Variants in SIK3 observed in about 807,000 individuals in gnomAD.
The protein encoded by SIK3 is SIK family kinase 3.
In SIK3, 28 loss-of-function variants were observed where a neutral mutation model predicts 144.2. That is an observed-to-expected ratio of 0.19 (90% CI 0.14 to 0.27). The LOEUF (loss-of-function observed/expected upper bound fraction) is 0.27, where lower values mean the gene tolerates loss of function less well. Ranked by LOEUF, SIK3 falls within the 10% of genes least tolerant of loss-of-function variation. SIK3 has a pLI of 1.00. For synonymous variants in SIK3, 686 were observed against 676.3 expected (o/e 1.01, Z -0.22); for missense variants, 1,319 against 1,776.0 (o/e 0.74, Z 4.62).
At chr11:117,052,714 C>T (rs1236434635) in intron 1 of SIK3, among the ~76,000 whole-genome samples, 2 of 152,194 alleles carry the variant, frequency 1.3e-5, no homozygotes, top group Admixed American at 1.3e-4. Context: ...GGATTAACCT[C>T]CTTCCAATGA....
At chr11:116,939,979 G>A (rs1419235653) in intron 3 of SIK3, among the ~76,000 whole-genome samples, 1 of 152,146 alleles carries the variant, frequency 6.6e-6, no homozygotes, top group Non-Finnish European at 1.5e-5. Flanking sequence ...TGAAACATCT[G>A]CAGAAAGCTA....
At chr11:117,070,443 C>CTTTTTT (rs34756068) in intron 1 of SIK3, among the ~76,000 whole-genome samples, 1 of 146,684 alleles carries the variant, frequency 6.8e-6, no homozygotes, top group Non-Finnish European at 1.5e-5. Flanking sequence ...TGAACAATAC[C>CTTTTTT]TTTTTTTTTT....
chr11:117,032,836 C>T (rs1468760025), intron 1 of SIK3, among the ~76,000 whole-genome samples: 6 of 152,000 alleles, frequency 3.9e-5, no homozygotes, highest in African/African-American at 1.4e-4. Flanking sequence ...ATCCAAAATG[C>T]TTTTTTCAAA....
intron 3 of SIK3, among the ~76,000 whole-genome samples, chr11:116,930,401 G>A (rs749776308): frequency 7.2e-5 from 11 of 152,138 alleles, no homozygotes; most frequent in Non-Finnish European, 1.5e-4. Context: ...CTTTATATTC[G>A]TATATGCTCT....
intron 1 of SIK3, among the ~76,000 whole-genome samples, chr11:117,023,601 CAAACAAACA>C (rs1173031055): frequency 8.2e-5 from 3 of 36,404 alleles, no homozygotes; most frequent in Non-Finnish European, 1.4e-4. Flanking sequence ...AACAAACAAA[CAAACAAACA>C]AAAAAAAAAA....
At chr11:117,082,825 G>A (rs917100546) in intron 1 of SIK3, among the ~76,000 whole-genome samples, 1 of 152,238 alleles carries the variant, frequency 6.6e-6, no homozygotes, top group South Asian at 2.1e-4. Context: ...GAAGCCCCCT[G>A]AGGTTAAGTA....
At position 117,021,928 on chromosome 11, in the gene SIK3, C is replaced by CAAAAA. The variant is rs71037444; in HGVS notation, c.274-64869_274-64865dup. 4.9e-3 allele frequency among the ~76,000 whole-genome samples: 288 copies of CAAAAA among 58,936 alleles called. 28 individuals carry two copies. The highest frequency in any genetic ancestry group is 7.0e-3 in the Non-Finnish European group (189 of 27,086). The allele number at this position is 58,936 out of a possible 152,430, so 38.7% of individuals were successfully genotyped here. A position where few individuals can be genotyped will look rare whatever the true frequency, so the allele number is the denominator to read the frequency against. ...ATAGCACAGTGAGCCTCTGTCTCTA[C>CAAAAA]AAAAAAAAAAAAAAAAAAAAAAAAA... On this transcript the variant is annotated intron_variant, in intron 1 of 24. Coordinates refer to ENST00000445177, the MANE Select transcript of SIK3 (RefSeq NM_001366686.3).
At chr11:116,894,749 C>A (rs1308650093) in intron 6 of SIK3, among the ~76,000 whole-genome samples, 5 of 152,296 alleles carry the variant, frequency 3.3e-5, no homozygotes, top group African/African-American at 1.2e-4. Flanking sequence ...TTGAACAGTG[C>A]CTGCCACACA....
intron 2 of SIK3, among the ~76,000 whole-genome samples, chr11:116,956,527 G>A (rs993037962): frequency 2.6e-5 from 4 of 151,970 alleles, no homozygotes; most frequent in Non-Finnish European, 5.9e-5. Context: ...CATGATCACA[G>A]AAACTAGTAT....
intron 21 of SIK3, among the ~76,000 whole-genome samples, chr11:116,856,702 A>G (rs951687992): frequency 2.0e-5 from 3 of 152,162 alleles, no homozygotes; most frequent in African/African-American, 7.2e-5. Flanking sequence ...TCAGGCAACA[A>G]TTCCCCCCTA....
chr11:116,917,551 T>A (rs568439287), intron 4 of SIK3, among the ~76,000 whole-genome samples: 86 of 151,846 alleles, frequency 5.7e-4, no homozygotes, highest in Non-Finnish European at 1.0e-3. Flanking sequence ...CCACAAAAAA[T>A]TTAAAAATTC....
intron 1 of SIK3, among the ~76,000 whole-genome samples, chr11:117,088,486 A>G (rs1955110148): frequency 6.6e-6 from 1 of 152,206 alleles, no homozygotes; most frequent in South Asian, 2.1e-4. Flanking sequence ...TATTAAGGGT[A>G]TAAAAACAAA....
chr11:116,937,380 T>G (rs1947975141), intron 3 of SIK3, among the ~76,000 whole-genome samples: 2 of 152,254 alleles, frequency 1.3e-5, no homozygotes. Context: ...AAGTAATGTC[T>G]TACATAACTG....
chr11:117,004,944 C>A (rs1212074349), intron 1 of SIK3, among the ~76,000 whole-genome samples: 1 of 152,070 alleles, frequency 6.6e-6, no homozygotes, highest in Non-Finnish European at 1.5e-5. Flanking sequence ...AAATCTAGTA[C>A]GGCTACCTCA....
At chr11:116,965,333 C>G (rs913005116) in intron 1 of SIK3, among the ~76,000 whole-genome samples, 2 of 151,734 alleles carry the variant, frequency 1.3e-5, no homozygotes, top group Non-Finnish European at 2.9e-5. Flanking sequence ...GTTAAATCAA[C>G]TCTTGTCCTA....
chr11:117,000,303 G>A (rs548472161), intron 1 of SIK3, among the ~76,000 whole-genome samples: 1 of 152,340 alleles, frequency 6.6e-6, no homozygotes, highest in Admixed American at 6.5e-5. Context: ...TACAGAAGAT[G>A]TGCACAGGAG....
chr11:117,011,826 A>C (rs1353774812), intron 1 of SIK3, among the ~76,000 whole-genome samples: 1 of 152,082 alleles, frequency 6.6e-6, no homozygotes, highest in African/African-American at 2.4e-5. Context: ...AATTTTTTTT[A>C]ATTAGGCATG....
At chr11:117,000,870 C>T (rs997405655) in intron 1 of SIK3, among the ~76,000 whole-genome samples, 6 of 152,322 alleles carry the variant, frequency 3.9e-5, no homozygotes, top group South Asian at 2.1e-4. Flanking sequence ...GAAATGACGA[C>T]GGGTTGCTTA....
chr11:116,996,419 T>C (rs901868424), intron 1 of SIK3, among the ~76,000 whole-genome samples: 3 of 152,160 alleles, frequency 2.0e-5, no homozygotes, highest in East Asian at 1.9e-4. Context: ...AAAAATATTA[T>C]CTTAAATATA....
Sources: gnomAD v4.1 joint callset for allele counts (sites outside exome capture counted in the v4.1 genomes callset) on GRCh38, gnomAD v4.1.1 for gene constraint, MANE v1.5 for transcripts, NCBI Gene and HGNC (gene_info 2026-07-23, HGNC 2026-07-21) for gene names.